The following DDAH1 variants were observed in gnomAD, a reference collection of about 807,000 sequenced individuals.
DDAH1 encodes dimethylarginine dimethylaminohydrolase 1.
DDAH1 carries 19 observed loss-of-function variants against 28.8 expected under a neutral mutation model. The observed-to-expected ratio is 0.66, with a 90% CI of 0.46 to 0.97. The LOEUF (loss-of-function observed/expected upper bound fraction) is 0.97. Ranked by LOEUF, DDAH1 falls within the 50% of genes least tolerant of loss-of-function variation. DDAH1 has a pLI of 0.00. For synonymous variants in DDAH1, 153 were observed against 154.4 expected (o/e 0.99, Z 0.07); for missense variants, 326 against 375.9 (o/e 0.87, Z 1.10).
intron 1 of DDAH1, among the ~76,000 whole-genome samples, chr1:85,555,840 A>G (rs980882145): frequency 6.6e-6 from 1 of 152,220 alleles, no homozygotes; most frequent in Non-Finnish European, 1.5e-5. Context: ...TCTTCCTTGC[A>G]ATAGTAGCAA....
At position 85,519,088 on chromosome 1, in the gene DDAH1, CTTTTTTTT is replaced by C. The variant is rs71075842; in HGVS notation, c.-122-22815_-122-22808del. Among the ~76,000 whole-genome samples, 61 of 69,132 alleles carry C rather than the reference CTTTTTTTT, an allele frequency of 8.8e-4. 1 individual carries two copies. In the South Asian group the frequency reaches 0.034, roughly 38 times the overall value. The allele number at this position is 69,132 out of a possible 152,430, so 45.4% of individuals were successfully genotyped here. A position where few individuals can be genotyped will look rare whatever the true frequency, so the allele number is the denominator to read the frequency against. On this transcript the variant is annotated intron_variant, in intron 1 of 6. Coordinates refer to the DDAH1 transcript ENST00000426972. ...CAAGAAGAAACGAGGAAAGACGGATCTTTTTTTTTTTTTTTTTTTTTTTGAGACGGAGT... is the reference window on the plus strand; with the variant it reads ...CAAGAAGAAACGAGGAAAGACGGATCTTTTTTTTTTTTTTTGAGACGGAGT...
intron 1 of DDAH1, among the ~76,000 whole-genome samples, chr1:85,423,122 T>C (rs1388311435): frequency 2.6e-5 from 4 of 152,208 alleles, no homozygotes; most frequent in African/African-American, 7.2e-5. Flanking sequence ...TTCTGTTTCA[T>C]TGATCTATGT....
At chr1:85,557,788 G>A (rs1419596440) in intron 1 of DDAH1, among the ~76,000 whole-genome samples, 1 of 152,106 alleles carries the variant, frequency 6.6e-6, no homozygotes, top group Non-Finnish European at 1.5e-5. Flanking sequence ...TACAGGAAGA[G>A]GAAATTTGGA....
intron 1 of DDAH1, among the ~76,000 whole-genome samples, chr1:85,542,859 A>C (rs1658511631): frequency 6.6e-6 from 1 of 152,222 alleles, no homozygotes; most frequent in Non-Finnish European, 1.5e-5. Flanking sequence ...GTTGGCTAAC[A>C]CTGGGCGATT....
In DDAH1 at chr1:85,321,587, A is replaced by G. The variant is rs1661347307; in HGVS notation, c.742-19T>C. The G allele has an allele frequency of 2.0e-6, 3 of 1,533,700 alleles. No homozygotes were observed. The African/African-American group carries it at 4.1e-5, about 21-fold the overall frequency. ...CATAAACCTACAGTGGGAATCAAGG[A>G]AAAGGAAGAAAAGAAGGATTATGTT... On this transcript the variant is annotated intron_variant, in intron 5 of 5. Coordinates refer to ENST00000284031, the MANE Select transcript of DDAH1 (RefSeq NM_012137.4).
At chr1:85,553,736 T>C (rs1324924525) in intron 1 of DDAH1, among the ~76,000 whole-genome samples, 1 of 152,192 alleles carries the variant, frequency 6.6e-6, no homozygotes, top group Non-Finnish European at 1.5e-5. Flanking sequence ...CTGGGGACTG[T>C]CAGCAATATT....
intron 4 of DDAH1, among the ~76,000 whole-genome samples, chr1:85,327,388 C>G (rs1225821159): frequency 6.7e-6 from 1 of 149,988 alleles, no homozygotes; most frequent in South Asian, 2.2e-4. Context: ...ACTTCTTCAG[C>G]TTCCTTCTTT....
chr1:85,570,363 G>GACACACACACACAC (rs1557770693), intron 1 of DDAH1, among the ~76,000 whole-genome samples: 1 of 46,466 alleles, frequency 2.2e-5, no homozygotes, highest in African/African-American at 6.9e-5. Context: ...CACACACACT[G>GACACACACACACAC]TCACACACAC....
chr1:85,356,653 T>TATCCCAAC (rs1395952528), intron 2 of DDAH1, among the ~76,000 whole-genome samples: 1 of 152,228 alleles, frequency 6.6e-6, no homozygotes, highest in Admixed American at 6.5e-5. Flanking sequence ...GAGGTAAAGA[T>TATCCCAAC]ATCCCAACAT....
chr1:85,559,707 A>G (rs1420223631), intron 1 of DDAH1, among the ~76,000 whole-genome samples: 1 of 152,132 alleles, frequency 6.6e-6, no homozygotes, highest in Non-Finnish European at 1.5e-5. Flanking sequence ...TCACTGGATG[A>G]GTGTAGAAGC....
intron 1 of DDAH1, among the ~76,000 whole-genome samples, chr1:85,402,741 C>G (rs1652175631): frequency 6.6e-6 from 1 of 151,954 alleles, no homozygotes; most frequent in African/African-American, 2.4e-5. Flanking sequence ...AACCCCGTCT[C>G]TACTAAAAAT....
intron 1 of DDAH1, among the ~76,000 whole-genome samples, chr1:85,457,879 G>A (rs1336727635): frequency 5.3e-5 from 8 of 151,912 alleles, no homozygotes; most frequent in Admixed American, 5.2e-4. Flanking sequence ...TAGTAGAGAT[G>A]GGGGTTTCAC....
intron 5 of DDAH1, among the ~76,000 whole-genome samples, chr1:85,323,375 T>C (rs1661431889): frequency 6.6e-6 from 1 of 152,150 alleles, no homozygotes; most frequent in South Asian, 2.1e-4. Flanking sequence ...CGAGCACTGT[T>C]ATGTTTGCTT....
chr1:85,400,177 C>CTTTTTTT lies in DDAH1; in HGVS notation c.304-41337_304-41331dup, dbSNP rs61677601. Among the ~76,000 whole-genome samples, 57 of 54,728 alleles carry CTTTTTTT rather than the reference C, an allele frequency of 1.0e-3. 3 individuals are homozygous for CTTTTTTT. Among genetic ancestry groups the CTTTTTTT allele is most frequent in the Non-Finnish European group, 1.3e-3 (33 of 24,594 alleles). The allele number at this position is 54,728 out of a possible 152,430, so 35.9% of individuals were successfully genotyped here. The stretch of plus-strand genomic sequence containing the variant: ...TGCAGGAATTCCTTTCTTTTCTTTT[C>CTTTTTTT]TTTTTTTTTTTTTTTTTTTTTTTTT... On this transcript the variant is annotated intron_variant, in intron 1 of 5. Transcript: ENST00000284031.
At chr1:85,358,668 C>CA (rs1649620286) in intron 2 of DDAH1, 80 bp downstream of exon 2, 4 of 1,153,800 alleles carry the variant, frequency 3.5e-6, no homozygotes, top group African/African-American at 1.6e-5. Context: ...CAAAAAAACA[C>CA]AAAAAACTAT....
intron 1 of DDAH1, chr1:85,399,691 C>A (rs1651978815): frequency 6.6e-6 from 1 of 152,226 alleles, no homozygotes; most frequent in Non-Finnish European, 1.5e-5. Context: ...TTTCAATCTT[C>A]AATCAGTAGG....
Position 85,330,226 on chromosome 1 carries a change from T to C in DDAH1, c.598-5343A>G, listed in dbSNP as rs561455838. ...CCCTAATGGGCACTGTGAGGATGTG[T>C]TAACACATCCTGTCTGGTAGGGTAT... On this transcript the variant is annotated intron_variant, in intron 4 of 5. Transcript: ENST00000284031. Among the ~76,000 whole-genome samples the C allele has an allele frequency of 3.9e-5, 6 of 152,280 alleles. No homozygotes were observed. The South Asian group carries it at 1.2e-3, about 32-fold the overall frequency.
chr1:85,359,440 C>A (rs907946906), intron 1 of DDAH1, among the ~76,000 whole-genome samples: 1 of 152,050 alleles, frequency 6.6e-6, no homozygotes, highest in African/African-American at 2.4e-5. Flanking sequence ...AGGTGGGAGG[C>A]AAAGCACCCA....
intron 1 of DDAH1, among the ~76,000 whole-genome samples, chr1:85,510,023 C>T (rs898236718): frequency 2.0e-5 from 3 of 151,326 alleles, no homozygotes; most frequent in African/African-American, 4.8e-5. Flanking sequence ...GTATCTTTCT[C>T]GACAACTCCA....
Sources: gnomAD v4.1 joint callset for allele counts (sites outside exome capture counted in the v4.1 genomes callset) on GRCh38, gnomAD v4.1.1 for gene constraint, MANE v1.5 for transcripts, NCBI Gene and HGNC (gene_info 2026-07-23, HGNC 2026-07-21) for gene names.